CLMN: variants seen among roughly 807,000 people sequenced by gnomAD.
CLMN encodes the protein calmin (calponin-like, transmembrane).
In CLMN, 57 loss-of-function variants were observed where a neutral mutation model predicts 92.7. The observed-to-expected ratio is 0.61, with a 90% CI of 0.50 to 0.77. CLMN has a LOEUF of 0.77. CLMN is among the 30% of genes least tolerant of loss of function. The pLI is 0.00. For synonymous variants in CLMN, 466 were observed against 470.6 expected (o/e 0.99, Z 0.13); for missense variants, 1,158 against 1,237.5 (o/e 0.94, Z 0.96).
chr14:95,279,834 C>A (rs1900077516), intron 1 of CLMN, among the ~76,000 whole-genome samples: 1 of 152,152 alleles, frequency 6.6e-6, no homozygotes, highest in South Asian at 2.1e-4. Context: ...GCTTTTTCAC[C>A]AAAAATAAAA....
intron 2 of CLMN, among the ~76,000 whole-genome samples, chr14:95,227,051 T>G (rs958373031): frequency 6.6e-6 from 1 of 151,992 alleles, no homozygotes; most frequent in African/African-American, 2.4e-5. Context: ...ATGGAGCTCC[T>G]GATGGGAGAC....
At chr14:95,289,441 T>G (rs59679722) in intron 1 of CLMN, among the ~76,000 whole-genome samples, 12,536 of 151,558 alleles carry the variant, frequency 0.083, 715 homozygotes, top group African/African-American at 0.16. Flanking sequence ...TGCAACCTGG[T>G]TGACAGAGCA....
At chr14:95,317,602 A>G (rs970809251) in intron 1 of CLMN, among the ~76,000 whole-genome samples, 2 of 151,586 alleles carry the variant, frequency 1.3e-5, no homozygotes, top group Non-Finnish European at 3.0e-5. Flanking sequence ...ATGCTGGGAA[A>G]AAAAAAAAAA....
rs897313740 is a variant in CLMN at position 95,259,220 on chromosome 14, G to A, written c.83-29087C>T. On this transcript the variant is annotated intron_variant, in intron 1 of 12. Transcript: ENST00000298912. The surrounding 1 kb of genome is among the most constrained non-coding windows in gnomAD (Gnocchi z 4.3). ...AGCAGGGCTAGGAAAGCAGTGGGCCGGCCTCCTAGTGTCAGAGGTATAGAC... is the reference window on the plus strand; with the variant it reads ...AGCAGGGCTAGGAAAGCAGTGGGCCAGCCTCCTAGTGTCAGAGGTATAGAC... Among the ~76,000 whole-genome samples, 7 of 152,048 alleles carry A rather than the reference G, an allele frequency of 4.6e-5. No individual in the cohort carries two copies. Among genetic ancestry groups the A allele is most frequent in the Admixed American group, 2.0e-4 (3 of 15,262 alleles).
At chr14:95,223,670 A>G (rs1269990311) in intron 3 of CLMN, 90 bp downstream of exon 3, 2 of 958,420 alleles carry the variant, frequency 2.1e-6, no homozygotes, top group East Asian at 5.0e-5. Context: ...TTATTATAGG[A>G]TATGTCCAGG....
chr14:95,232,470 T>C (rs1003038613), intron 1 of CLMN, among the ~76,000 whole-genome samples: 2 of 152,232 alleles, frequency 1.3e-5, no homozygotes, highest in Non-Finnish European at 2.9e-5. Flanking sequence ...GTGGCACCCA[T>C]AAATCACGTT....
Position 95,319,838 on chromosome 14 carries a change from G to GCGCGGAGAGCCTGGCTGGCGGT in CLMN, c.-47_-46insACCGCCAGCCAGGCTCTCCGCG. 8.3e-7 allele frequency: 1 copy of GCGCGGAGAGCCTGGCTGGCGGT among 1,201,852 alleles called. No individual in the cohort carries two copies. The highest frequency in any genetic ancestry group is 1.0e-6 in the Non-Finnish European group (1 of 959,982). The allele number at this position is 1,201,852 out of a possible 1,614,324, so 74.4% of individuals were successfully genotyped here. On this transcript the variant is annotated 5_prime_UTR_variant, in exon 1 of 13. Coordinates refer to ENST00000298912, the MANE Select transcript of CLMN (RefSeq NM_024734.4). ...CGGGCCAGCGCGGCGCGGGCGGCGG[G>GCGCGGAGAGCCTGGCTGGCGGT]CGCGGAGAGCCTGGCTGGCGGGCGC...
At chr14:95,215,260 A>T (rs1418381490) in intron 5 of CLMN, among the ~76,000 whole-genome samples, 1 of 152,230 alleles carries the variant, frequency 6.6e-6, no homozygotes, top group Non-Finnish European at 1.5e-5. Context: ...AGGCATCTTT[A>T]GTGCAAGCTC....
intron 4 of CLMN, among the ~76,000 whole-genome samples, chr14:95,219,473 G>A (rs1897458223): frequency 2.6e-5 from 4 of 152,232 alleles, no homozygotes; most frequent in Non-Finnish European, 4.4e-5. Context: ...GGGGGGTGAC[G>A]CAGTGAGAGC....
At chr14:95,236,182 C>T (rs1176788306) in intron 1 of CLMN, among the ~76,000 whole-genome samples, 1 of 152,240 alleles carries the variant, frequency 6.6e-6, no homozygotes, top group Admixed American at 6.5e-5. Flanking sequence ...GCACAGAGAG[C>T]TTAGGAACAT....
intron 1 of CLMN, among the ~76,000 whole-genome samples, chr14:95,237,791 C>T (rs370920206): frequency 5.3e-5 from 8 of 152,254 alleles, no homozygotes; most frequent in South Asian, 2.1e-4. Context: ...AGTGACCTCC[C>T]GAGATGCTTT....
At chr14:95,192,158 CTGTT>C (rs1239891004) in intron 12 of CLMN, 1 of 156,502 alleles carries the variant, frequency 6.4e-6, no homozygotes, top group Non-Finnish European at 1.4e-5. Flanking sequence ...TCGCTTGCTG[CTGTT>C]TGTTAGTAAC....
rs1056960076 is a variant in CLMN, at chr14:95,294,427, G to A, written c.82+25284C>T. Among the ~76,000 whole-genome samples the A allele has an allele frequency of 3.9e-5, 6 of 152,316 alleles. No individual in the cohort carries two copies. The highest frequency in any genetic ancestry group is 1.5e-5 in the Non-Finnish European group (1 of 68,028). ...GAACGTGTGCTTGTCTGGCATGCAC[G>A]GGGCAGGCCTTGCACCCAGTCTGGG... On this transcript the variant is annotated intron_variant, in intron 1 of 12. Coordinates refer to ENST00000298912, the MANE Select transcript of CLMN (RefSeq NM_024734.4). The surrounding 1 kb of genome is among the most constrained non-coding windows in gnomAD (Gnocchi z 4.2).
At chr14:95,242,475 G>A (rs1432958451) in intron 1 of CLMN, among the ~76,000 whole-genome samples, 4 of 152,014 alleles carry the variant, frequency 2.6e-5, no homozygotes. Flanking sequence ...GGCCAGGCTG[G>A]TCTCGAGCTC....
intron 6 of CLMN, among the ~76,000 whole-genome samples, chr14:95,211,469 C>A (rs963921802): frequency 6.6e-6 from 1 of 152,096 alleles, no homozygotes; most frequent in African/African-American, 2.4e-5. Context: ...GAAATAAAAG[C>A]ACCATTGTAA....
At chr14:95,211,374 G>A (rs76264029) in intron 6 of CLMN, among the ~76,000 whole-genome samples, 6,711 of 152,158 alleles carry the variant, frequency 0.044, 212 homozygotes, top group Middle Eastern at 0.088. Flanking sequence ...CCAGAAGAAC[G>A]GCCAAGTCAT....
chr14:95,274,419 G>A (rs1482447248), intron 1 of CLMN, among the ~76,000 whole-genome samples: 36 of 152,178 alleles, frequency 2.4e-4, no homozygotes, highest in Admixed American at 2.4e-3. Flanking sequence ...GCCACAGGCT[G>A]TGTCGTGTGT....
chr14:95,270,174 T>G (rs1399662614), intron 1 of CLMN, among the ~76,000 whole-genome samples: 1 of 152,188 alleles, frequency 6.6e-6, no homozygotes, highest in Non-Finnish European at 1.5e-5. Flanking sequence ...TATGGTCCAG[T>G]TCATGCTGTC....
intron 5 of CLMN, among the ~76,000 whole-genome samples, chr14:95,214,930 G>A (rs542382488): frequency 6.6e-6 from 1 of 152,026 alleles, no homozygotes; most frequent in Non-Finnish European, 1.5e-5. Context: ...AAAGCGGGTG[G>A]GCTCTAGAAA....
Sources: gnomAD v4.1 joint callset for allele counts (sites outside exome capture counted in the v4.1 genomes callset) on GRCh38, gnomAD v4.1.1 for gene constraint, Gnocchi (gnomAD v3.1) non-coding constraint, MANE v1.5 for transcripts, NCBI Gene and HGNC (gene_info 2026-07-23, HGNC 2026-07-21) for gene names.